Variants in MDFIC2 observed in about 807,000 individuals in gnomAD.
The protein encoded by MDFIC2 is myoD family inhibitor domain-containing protein 2.
chr3:70,216,745 C>A (rs1701415709), intron 2 of MDFIC2, among the ~76,000 whole-genome samples: 5 of 152,154 alleles, frequency 3.3e-5, no homozygotes. Flanking sequence ...CCTTCCCTTA[C>A]CTGACATCAA....
chr3:70,236,174 G>T (rs1701606927), intron 2 of MDFIC2, among the ~76,000 whole-genome samples: 1 of 152,076 alleles, frequency 6.6e-6, no homozygotes, highest in South Asian at 2.1e-4. Flanking sequence ...TCGCATAGAT[G>T]ACTGCTAAAT....
At chr3:70,268,637 T>G (rs1035009811) in intron 2 of MDFIC2, among the ~76,000 whole-genome samples, 7 of 152,224 alleles carry the variant, frequency 4.6e-5, no homozygotes, top group African/African-American at 1.7e-4. Context: ...ACATGTAGCT[T>G]TCTTTGTCAA....
chr3:70,206,005 G>T (rs1326189394), intron 3 of MDFIC2: 1 of 151,842 alleles, frequency 6.6e-6, no homozygotes, highest in Non-Finnish European at 1.5e-5. Context: ...CTTTGCAAAC[G>T]AAATGTACTC....
intron 2 of MDFIC2, among the ~76,000 whole-genome samples, chr3:70,235,115 A>G (rs1290591722): frequency 3.3e-5 from 5 of 152,024 alleles, no homozygotes; most frequent in East Asian, 1.9e-4. Context: ...TCCAACCTCT[A>G]TTGGAGAAGA....
At chr3:70,251,550 G>A (rs1301131748) in intron 2 of MDFIC2, among the ~76,000 whole-genome samples, 1 of 152,182 alleles carries the variant, frequency 6.6e-6, no homozygotes, top group African/African-American at 2.4e-5. Context: ...ATGGTGGAGT[G>A]TACATTCCTG....
intron 2 of MDFIC2, among the ~76,000 whole-genome samples, chr3:70,261,211 C>T (rs759854870): frequency 6.6e-6 from 1 of 152,198 alleles, no homozygotes; most frequent in Non-Finnish European, 1.5e-5. Context: ...GTGGTCAAAG[C>T]TTTGAATCAT....
rs1365895971 is a variant in MDFIC2 at position 70,274,764 on chromosome 3, AT to A, written c.88+37121del. On this transcript the variant is annotated intron_variant, in intron 2 of 3. Coordinates refer to ENST00000567252, the MANE Select transcript of MDFIC2 (RefSeq NM_001364677.1). ...ATGTACCTTGGAACTTAAAACAAATATAAAAATATTTTAAAAAGGAAACTTC... is the reference window on the plus strand; with the variant it reads ...ATGTACCTTGGAACTTAAAACAAATAAAAAATATTTTAAAAAGGAAACTTC... Among the ~76,000 whole-genome samples the A allele has an allele frequency of 1.2e-4, 18 of 152,198 alleles. 1 individual carries two copies. The highest frequency in any genetic ancestry group is 1.2e-3 in the Admixed American group (18 of 15,270).
rs1701173857 is a variant in MDFIC2 at position 70,195,941 on chromosome 3, A to G, written c.*985T>C. On this transcript the variant is annotated 3_prime_UTR_variant, in exon 4 of 4. Transcript: ENST00000567252. ...AAATAAGTACTTGACATAATTATTG[A>G]TCACTTTAATTATCAGACAAAGAAA... Among the ~76,000 whole-genome samples, 1 of 152,204 alleles carries G rather than the reference A, an allele frequency of 6.6e-6. No homozygotes were observed. The highest frequency in any genetic ancestry group is 2.4e-5 in the African/African-American group (1 of 41,468).
intron 2 of MDFIC2, among the ~76,000 whole-genome samples, chr3:70,250,854 C>T (rs1031837859): frequency 3.3e-5 from 5 of 152,074 alleles, no homozygotes; most frequent in Non-Finnish European, 7.4e-5. Flanking sequence ...GTTGAATGGG[C>T]AGACTGTCAA....
At chr3:70,200,479 T>C (rs1336764179) in intron 3 of MDFIC2, among the ~76,000 whole-genome samples, 1 of 152,192 alleles carries the variant, frequency 6.6e-6, no homozygotes, top group Non-Finnish European at 1.5e-5. Context: ...GCACATGCTG[T>C]GTTTTTGCCT....
At chr3:70,292,410 A>G (rs1009257367) in intron 2 of MDFIC2, among the ~76,000 whole-genome samples, 1 of 152,136 alleles carries the variant, frequency 6.6e-6, no homozygotes, top group Admixed American at 6.5e-5. Flanking sequence ...AGTAAACTCA[A>G]TTATTGTCAC....
intron 2 of MDFIC2, among the ~76,000 whole-genome samples, chr3:70,266,726 G>C (rs1426282483): frequency 6.6e-6 from 1 of 152,192 alleles, no homozygotes; most frequent in Non-Finnish European, 1.5e-5. Context: ...GATTAGAGAT[G>C]TGAGCCACTG....
Position 70,244,137 on chromosome 3 carries a change from C to A in MDFIC2, c.89-37347G>T, listed in dbSNP as rs77662090. On this transcript the variant is annotated intron_variant, in intron 2 of 3. Transcript: ENST00000567252. ...TGGTTTTCTTTGGCTCAAATGGGAA[C>A]AAGGTGCCCATTATTTCTTTAATCC... is the stretch of plus-strand genomic sequence containing the variant. 5.1e-3 allele frequency among the ~76,000 whole-genome samples: 780 copies of A among 152,302 alleles called. 8 individuals are homozygous for A. The highest frequency in any genetic ancestry group is 0.049 in the South Asian group (235 of 4,818).
chr3:70,225,005 C>T (rs1701490305), intron 2 of MDFIC2, among the ~76,000 whole-genome samples: 2 of 152,166 alleles, frequency 1.3e-5, no homozygotes, highest in South Asian at 2.1e-4. Flanking sequence ...AATGTTGATA[C>T]GTGTACTCAA....
At chr3:70,264,748 TAGC>T (rs1257056454) in intron 2 of MDFIC2, among the ~76,000 whole-genome samples, 2 of 152,230 alleles carry the variant, frequency 1.3e-5, no homozygotes, top group Non-Finnish European at 2.9e-5. Flanking sequence ...CAGGGAATAA[TAGC>T]AGTGTGATGA....
chr3:70,219,301 G>T (rs991031402), intron 2 of MDFIC2, among the ~76,000 whole-genome samples: 2 of 152,152 alleles, frequency 1.3e-5, no homozygotes, highest in Non-Finnish European at 2.9e-5. Context: ...CACTTACAGA[G>T]CTCTGCTGAA....
intron 2 of MDFIC2, among the ~76,000 whole-genome samples, chr3:70,299,205 A>G (rs558064203): frequency 6.6e-6 from 1 of 152,294 alleles, no homozygotes; most frequent in African/African-American, 2.4e-5. Flanking sequence ...CATTGAAATT[A>G]TGCAGTAAAT....
chr3:70,234,893 G>A (rs945596350), intron 2 of MDFIC2, among the ~76,000 whole-genome samples: 6 of 152,004 alleles, frequency 3.9e-5, no homozygotes, highest in South Asian at 2.1e-4. Flanking sequence ...CTTTTTAAAC[G>A]CTGCCTTGGA....
At chr3:70,263,147 T>C (rs969830966) in intron 2 of MDFIC2, among the ~76,000 whole-genome samples, 2 of 152,180 alleles carry the variant, frequency 1.3e-5, no homozygotes, top group South Asian at 2.1e-4. Context: ...ATAAACTCTA[T>C]ATTTGTCATT....
Sources: gnomAD v4.1 joint callset for allele counts (sites outside exome capture counted in the v4.1 genomes callset) on GRCh38, gnomAD v4.1.1 for gene constraint, MANE v1.5 for transcripts, NCBI Gene and HGNC (gene_info 2026-07-23, HGNC 2026-07-21) for gene names.